The following FCRL2 variants were observed in gnomAD, a reference collection of about 807,000 sequenced individuals.
FCRL2 encodes the protein Fc receptor like 2, also known as Fc receptor-like protein 2.
Under a neutral mutation model 59.8 loss-of-function variants are expected in FCRL2, and 48 were observed. The ratio of observed to expected loss-of-function variants is 0.80; its 90% CI spans 0.64 to 1.02. The LOEUF (loss-of-function observed/expected upper bound fraction) is 1.02, where lower values mean the gene tolerates loss of function less well. Ranked by LOEUF, FCRL2 falls within the 50% of genes least tolerant of loss-of-function variation. The pLI is 0.00. For missense variants in FCRL2, 658 were observed against 597.3 expected, an observed-to-expected ratio of 1.10 and a Z score of -1.06; for synonymous variants, 251 against 229.5, an observed-to-expected ratio of 1.09 and a Z score of -0.85.
chr1:157,768,775 C>G (rs1211346345), intron 4 of FCRL2, 74 bp from the exon 5 acceptor site: 5 of 1,398,332 alleles, frequency 3.6e-6, no homozygotes, highest in Non-Finnish European at 4.8e-6. Context: ...ATTCCATTCT[C>G]TAATGCAAAA....
At chr1:157,748,479 A>G in intron 10 of FCRL2, 74 bp downstream of exon 10, 1 of 685,122 alleles carries the variant, frequency 1.5e-6, no homozygotes. Context: ...TAAATAAATA[A>G]AGCCTCTATT....
At chr1:157,763,096 C>T (rs539242985) in intron 7 of FCRL2, among the ~76,000 whole-genome samples, 8 of 152,182 alleles carry the variant, frequency 5.3e-5, no homozygotes, top group South Asian at 2.1e-4. Context: ...GATTGTTAGA[C>T]GTAGAAAATA....
chr1:157,752,455 C>T (rs1012152169), intron 7 of FCRL2, among the ~76,000 whole-genome samples: 6 of 152,286 alleles, frequency 3.9e-5, no homozygotes, highest in East Asian at 3.9e-4. Flanking sequence ...AAACCTCTTT[C>T]GTTTGTAAAT....
chr1:157,748,706 A>T (rs1571247058), intron 9 of FCRL2, 88 bp from the exon 10 acceptor site: 1 of 1,260,012 alleles, frequency 7.9e-7, no homozygotes, highest in East Asian at 2.3e-5. Context: ...CTTAATGATT[A>T]TATCCTTCCT....
At chr1:157,767,805 A>AT (rs1020352540) in intron 5 of FCRL2, 2 of 923,400 alleles carry the variant, frequency 2.2e-6, no homozygotes, top group Admixed American at 3.4e-5. Flanking sequence ...GTATCCTATA[A>AT]TTTTTTATTA....
At chr1:157,775,066 C>T (rs923380023) in intron 2 of FCRL2, among the ~76,000 whole-genome samples, 1 of 152,158 alleles carries the variant, frequency 6.6e-6, no homozygotes, top group Non-Finnish European at 1.5e-5. Context: ...AACAGTAATA[C>T]ATGCATTTTT....
chr1:157,756,651 C>T (rs1648611092), intron 7 of FCRL2, among the ~76,000 whole-genome samples: 1 of 149,866 alleles, frequency 6.7e-6, no homozygotes, highest in Non-Finnish European at 1.5e-5. Flanking sequence ...TGCACTCTGG[C>T]CTGAGTAGCA....
At chr1:157,762,002 G>C (rs1649137368) in intron 7 of FCRL2, among the ~76,000 whole-genome samples, 1 of 152,170 alleles carries the variant, frequency 6.6e-6, no homozygotes, top group Admixed American at 6.5e-5. Flanking sequence ...AGATAGTGAA[G>C]AATTGCTGAG....
At position 157,766,481 on chromosome 1, in the gene FCRL2, AAAT is replaced by A; in HGVS notation, c.1279+371_1279+373del. 5 of 205,924 alleles carry A rather than the reference AAAT, an allele frequency of 2.4e-5. No homozygotes were observed. In the East Asian group the frequency reaches 3.5e-4, roughly 14 times the overall value. 12.8% of individuals were successfully genotyped at this position (205,924 alleles called of 1,614,324 possible). A position where few individuals can be genotyped will look rare whatever the true frequency, so the allele number is the denominator to read the frequency against. ...GTGAGACTCTGTCTCAAAAAAAAAA[AAAT>A]TTTTTTTGTGTTCCTTTAAATCTAG... On this transcript the variant is annotated intron_variant, in intron 7 of 11. Coordinates refer to ENST00000361516, the MANE Select transcript of FCRL2 (RefSeq NM_030764.4).
intron 1 of FCRL2, 38 bp from the exon 2 acceptor site, chr1:157,775,833 A>G (rs780120687): frequency 6.2e-7 from 1 of 1,608,960 alleles, no homozygotes; most frequent in South Asian, 1.1e-5. Context: ...AGCACACAGC[A>G]TTTGCCCTCA....
rs752649438 is a variant in FCRL2, at chr1:157,768,657, C to A, written c.640G>T (p.Gly214Ter). 14 of 1,613,938 alleles carry A rather than the reference C, an allele frequency of 8.7e-6. No individual in the cohort carries two copies. The highest frequency in any genetic ancestry group is 1.2e-5 in the Non-Finnish European group (14 of 1,179,894). Residue 214 changes from glycine (G) to a stop codon, truncating the protein, a stop_gained, in exon 5 of 12, where the codon GGA becomes TGA. Coordinates refer to ENST00000361516, the MANE Select transcript of FCRL2 (RefSeq NM_030764.4). LOFTEE classifies it high-confidence loss of function. The stretch of plus-strand genomic sequence containing the variant: ...AGTTTTTGTCCTTCAGTCACCTGTC[C>A]CCCGGGGGCCCGGATCTCCAAGCTT... ...NVSLEIRAPG[G>*]QVTEGQKLIL... is the part of the protein sequence containing the mutation.
chr1:157,763,393 C>T (rs1002061570), intron 7 of FCRL2, among the ~76,000 whole-genome samples: 7 of 151,822 alleles, frequency 4.6e-5, no homozygotes, highest in Admixed American at 3.9e-4. Context: ...GGCATGGTGG[C>T]GGGTGCCTGT....
chr1:157,756,353 G>A (rs1338870751), intron 7 of FCRL2, among the ~76,000 whole-genome samples: 1 of 152,132 alleles, frequency 6.6e-6, no homozygotes, highest in Non-Finnish European at 1.5e-5. Flanking sequence ...AGAAAGAATT[G>A]TCTTAAGTGA....
intron 7 of FCRL2, chr1:157,766,522 T>A (rs1193299876): frequency 3.1e-6 from 1 of 321,184 alleles, no homozygotes; most frequent in African/African-American, 2.1e-5. Flanking sequence ...CCTTACTACA[T>A]TTTGCTCCGT....
At chr1:157,754,988 A>G (rs1329137901) in intron 7 of FCRL2, among the ~76,000 whole-genome samples, 1 of 152,038 alleles carries the variant, frequency 6.6e-6, no homozygotes, top group Non-Finnish European at 1.5e-5. Flanking sequence ...AAAGAAAAGA[A>G]AAAAAGGAGA....
chr1:157,746,981 A>G, intron 10 of FCRL2, 82 bp from the exon 11 acceptor site: 1 of 1,392,142 alleles, frequency 7.2e-7, no homozygotes, highest in Non-Finnish European at 1.0e-6. Flanking sequence ...CAGGGCATAG[A>G]ACTACTATGC....
Position 157,769,956 on chromosome 1 carries a change from T to C in FCRL2, c.505A>G (p.Ser169Gly), listed in dbSNP as rs1557868420. The C allele has an allele frequency of 6.2e-7, 1 of 1,614,190 alleles. No individual in the cohort carries two copies. Among genetic ancestry groups the C allele is most frequent in the Admixed American group, 1.7e-5 (1 of 60,030 alleles). ...SPELQISAVW[S>G]EDTGSYWCKA... ...CACCAGTAAGACCCTGTGTCTTCAC[T>C]CCACACGGCAGAAATCTGGAGCTCC... Residue 169 changes from serine (S) to glycine (G), a missense_variant, in exon 4 of 12, where the codon AGT becomes GGT. By Grantham distance (56) the Ser-to-Gly change is moderately conservative. Transcript: ENST00000361516.
rs556623932 is a variant in FCRL2, at chr1:157,760,276, C to T, written c.1279+6579G>A. Among the ~76,000 whole-genome samples the T allele has an allele frequency of 1.4e-4, 21 of 152,066 alleles. No homozygotes were observed. The South Asian group carries it at 3.5e-3, about 26-fold the overall frequency. On this transcript the variant is annotated intron_variant, in intron 7 of 11. Coordinates refer to ENST00000361516, the MANE Select transcript of FCRL2 (RefSeq NM_030764.4). The stretch of plus-strand genomic sequence containing the variant: ...AACACAAAGAAGAGTACAACAGATG[C>T]TGGGACCTATTTGAGGGTGGAGGGA...
chr1:157,758,680 C>CA (rs59716565), intron 7 of FCRL2, among the ~76,000 whole-genome samples: 5,808 of 55,710 alleles, frequency 0.1, 319 homozygotes, highest in Non-Finnish European at 0.12. Context: ...CAGTCCCAAG[C>CA]AAAAAAAAAA....
Sources: allele counts gnomAD v4.1 joint callset (sites outside exome capture counted in the v4.1 genomes callset), GRCh38; gene constraint gnomAD v4.1.1; transcripts MANE v1.5; gene names NCBI Gene and HGNC (gene_info 2026-07-23, HGNC 2026-07-21).